Variants in RSPH1 observed in about 807,000 individuals in gnomAD.
The protein encoded by RSPH1 is radial spoke head component 1.
A neutral mutation model predicts 44.2 loss-of-function variants in RSPH1; 32 were observed. That is an observed-to-expected ratio of 0.72 (90% confidence interval 0.55 to 0.97). The LOEUF (loss-of-function observed/expected upper bound fraction) is 0.97, where lower values mean the gene tolerates loss of function less well. Among genes scored for constraint, RSPH1 ranks in the 50% least tolerant of loss-of-function variants. RSPH1 has a pLI of 0.00. For missense variants in RSPH1, 391 were observed against 398.7 expected (o/e 0.98, Z 0.16); for synonymous variants, 134 against 147.3 (o/e 0.91, Z 0.65).
intron 3 of RSPH1, among the ~76,000 whole-genome samples, chr21:42,492,403 A>C (rs1445550091): frequency 6.6e-6 from 1 of 152,220 alleles, no homozygotes; most frequent in Admixed American, 6.5e-5. Context: ...CAGAAATGGA[A>C]AATGCAAAGA....
At chr21:42,479,728 C>CAA (rs2054106441) in intron 6 of RSPH1, among the ~76,000 whole-genome samples, 1 of 120,218 alleles carries the variant, frequency 8.3e-6, no homozygotes, top group African/African-American at 3.2e-5. Flanking sequence ...TAGGAGGTTA[C>CAA]ACACACACAC....
chr21:42,477,090 C>T lies in RSPH1; in HGVS notation c.727+201G>A, dbSNP rs58181767. On this transcript the variant is annotated intron_variant, in intron 7 of 8. Transcript: ENST00000291536. Reference sequence around the variant, plus strand: ...TCCACCCCACAGCCCGGGGATGCCCCACACCCTCTGCCCCCTCCACTCCAC... The same window carrying T: ...TCCACCCCACAGCCCGGGGATGCCCTACACCCTCTGCCCCCTCCACTCCAC... Among the ~76,000 whole-genome samples, 1,189 of 113,634 alleles carry T rather than the reference C, an allele frequency of 0.01. 79 individuals are homozygous for T. The highest frequency in any genetic ancestry group is 0.032 in the African/African-American group (934 of 29,190). 74.5% of individuals were successfully genotyped at this position (113,634 alleles called of 152,430 possible).
chr21:42,482,640 A>G lies in RSPH1; in HGVS notation c.570T>C (p.Asp190=), dbSNP rs758036375. ...CEQHGEYRLT[D]MERGEEEEEE... ...CCCTACATGCTCCGCAACTTACCAT[A>G]TCTGTTAAACGATATTCACCATGTT... Residue 190 remains aspartate, a synonymous_variant, in exon 6 of 9, where the codon GAT becomes GAC. Transcript: ENST00000291536. 4.3e-6 allele frequency: 7 copies of G among 1,609,586 alleles called. No homozygotes were observed. The African/African-American group carries it at 8.0e-5, about 18-fold the overall frequency.
chr21:42,482,759 C>T (rs1244223345), intron 5 of RSPH1, 51 bp from the exon 6 acceptor site: 1 of 1,368,994 alleles, frequency 7.3e-7, no homozygotes, highest in Non-Finnish European at 1.0e-6. Flanking sequence ...GCAGAAAATA[C>T]AAAATACAAA....
At chr21:42,482,589 G>T (rs965565123) in intron 6 of RSPH1, 48 bp downstream of exon 6, 2 of 1,372,006 alleles carry the variant, frequency 1.5e-6, no homozygotes, top group Non-Finnish European at 1.0e-6. Flanking sequence ...TTTTTGAGCA[G>T]CTACTTCCCT....
At position 42,472,752 on chromosome 21, in the gene RSPH1, C is replaced by T. The variant is rs2054004821; in HGVS notation, c.*66G>A. 1 of 1,249,548 alleles carries T rather than the reference C, an allele frequency of 8.0e-7. No homozygotes were observed. The highest frequency in any genetic ancestry group is 1.3e-5 in the South Asian group (1 of 79,634). 77.4% of individuals were successfully genotyped at this position (1,249,548 alleles called of 1,614,324 possible). A position where few individuals can be genotyped will look rare whatever the true frequency, so the allele number is the denominator to read the frequency against. ...TCAAGTAGCTGGAACTAGATACACA[C>T]AGCACTGCACCCGGCTAACGACAGA... On this transcript the variant is annotated 3_prime_UTR_variant, in exon 9 of 9. Transcript: ENST00000291536.
At chr21:42,485,585 T>C (rs2054171086) in intron 5 of RSPH1, 84 bp downstream of exon 5, 1 of 1,512,226 alleles carries the variant, frequency 6.6e-7, no homozygotes, top group Non-Finnish European at 9.1e-7. Flanking sequence ...GAGTTTTTGG[T>C]ATTCTCTGGT....
intron 8 of RSPH1, 71 bp from the exon 9 acceptor site, chr21:42,472,941 A>T: frequency 8.6e-7 from 1 of 1,157,454 alleles, no homozygotes; most frequent in South Asian, 1.4e-5. Context: ...TTTATTCACT[A>T]ACAGATCTTT....
At chr21:42,475,587 T>A (rs7275527) in intron 8 of RSPH1, among the ~76,000 whole-genome samples, 1 of 141,544 alleles carries the variant, frequency 7.1e-6, no homozygotes, top group African/African-American at 2.7e-5. Flanking sequence ...AAAAAAATCA[T>A]GCAACAGAAG....
At position 42,474,172 on chromosome 21, in the gene RSPH1, C is replaced by G. The variant is rs574657614; in HGVS notation, c.878-1302G>C. On this transcript the variant is annotated intron_variant, in intron 8 of 8. Coordinates refer to ENST00000291536, the MANE Select transcript of RSPH1 (RefSeq NM_080860.4). The surrounding 1 kb of genome is among the most constrained non-coding windows in gnomAD (Gnocchi z 5.2). ...AGCCTGATACAGGCAATCCCCACAG[C>G]TCCCAGAGGTCCCGCCTACTGGGCT... Among the ~76,000 whole-genome samples the G allele has an allele frequency of 6.6e-6, 1 of 152,332 alleles. No homozygotes were observed. The highest frequency in any genetic ancestry group is 2.1e-4 in the South Asian group (1 of 4,824).
intron 3 of RSPH1, among the ~76,000 whole-genome samples, chr21:42,492,335 G>C (rs1462065498): frequency 6.6e-6 from 1 of 152,250 alleles, no homozygotes; most frequent in Non-Finnish European, 1.5e-5. Context: ...AGGAAGCCCT[G>C]ATGTAAGGAA....
At chr21:42,484,543 T>A (rs1038810158) in intron 5 of RSPH1, 1 of 152,160 alleles carries the variant, frequency 6.6e-6, no homozygotes, top group African/African-American at 2.4e-5. Context: ...ACAGAAATAG[T>A]GTGGAAGGAT....
intron 8 of RSPH1, 69 bp downstream of exon 8, chr21:42,475,829 A>C: frequency 6.5e-7 from 1 of 1,546,450 alleles, no homozygotes; most frequent in Non-Finnish European, 8.8e-7. Flanking sequence ...GGTGAAGGGA[A>C]GGGGAATCCC....
chr21:42,478,484 G>A (rs943311236), intron 6 of RSPH1, among the ~76,000 whole-genome samples: 15 of 152,206 alleles, frequency 9.9e-5, no homozygotes, highest in East Asian at 1.9e-4. Context: ...CTGGGATAGC[G>A]TCCAATAAGC....
At chr21:42,480,735 G>A (rs140256227) in intron 6 of RSPH1, among the ~76,000 whole-genome samples, 9 of 151,866 alleles carry the variant, frequency 5.9e-5, no homozygotes, top group African/African-American at 2.2e-4. Context: ...AGGATTCAAG[G>A]CCAGGGCCCT....
In RSPH1 at chr21:42,477,351, T is replaced by A. The variant is rs766385741; in HGVS notation, c.667A>T (p.Thr223Ser). Reference sequence around the variant, plus strand: ...GTAGAGGTCGGCTTTTTGGGGAGAGTTGGTGTCCACAGGGCCAATTCAGTG... The same window carrying A: ...GTAGAGGTCGGCTTTTTGGGGAGAGATGGTGTCCACAGGGCCAATTCAGTG... ...QITELALWTP[T>S]LPKKPTSTDG... The change falls in exon 7 of 9, where the codon ACT becomes TCT. Residue 223 changes from threonine (T) to serine (S), a missense_variant. Thr to Ser is a moderately conservative substitution (Grantham distance 58). Coordinates refer to ENST00000291536, the MANE Select transcript of RSPH1 (RefSeq NM_080860.4). 5 of 1,613,906 alleles carry A rather than the reference T, an allele frequency of 3.1e-6. No individual in the cohort carries two copies. In the South Asian group the frequency reaches 5.5e-5, roughly 18 times the overall value.
rs969106549 is a variant in RSPH1 at position 42,487,664 on chromosome 21, T to C, written c.275-1203A>G. The stretch of plus-strand genomic sequence containing the variant: ...TGAAAATTCACTTTTATACCAACTT[T>C]ATATTTTCTTTTTTTTAAAGAGGTT... On this transcript the variant is annotated intron_variant, in intron 3 of 8. Coordinates refer to ENST00000291536, the MANE Select transcript of RSPH1 (RefSeq NM_080860.4). Among the ~76,000 whole-genome samples, 4 of 152,244 alleles carry C rather than the reference T, an allele frequency of 2.6e-5. No individual in the cohort carries two copies. The South Asian group carries it at 8.3e-4, about 31-fold the overall frequency.
At position 42,474,914 on chromosome 21, in the gene RSPH1, A is replaced by C. The variant is rs1241309248; in HGVS notation, c.877+984T>G. Among the ~76,000 whole-genome samples the C allele has an allele frequency of 2.0e-5, 3 of 152,156 alleles. No individual in the cohort carries two copies. Among genetic ancestry groups the C allele is most frequent in the African/African-American group, 7.3e-5 (3 of 41,370 alleles). On this transcript the variant is annotated intron_variant, in intron 8 of 8. Transcript: ENST00000291536. The surrounding 1 kb of genome is among the most constrained non-coding windows in gnomAD (Gnocchi z 5.2). ...AGGTATTATTTTCAAAGGAATGGGA[A>C]GTATATTCTTAATTTACAACAGAGA...
intron 8 of RSPH1, among the ~76,000 whole-genome samples, chr21:42,475,297 C>A (rs560105559): frequency 4.6e-5 from 7 of 152,226 alleles, no homozygotes; most frequent in Non-Finnish European, 1.0e-4. Context: ...GTCAGCCCTG[C>A]TAAAAATCAT....
Sources: allele counts gnomAD v4.1 joint callset (sites outside exome capture counted in the v4.1 genomes callset), GRCh38; gene constraint gnomAD v4.1.1; non-coding constraint Gnocchi (gnomAD v3.1); transcripts MANE v1.5; gene names NCBI Gene and HGNC (gene_info 2026-07-23, HGNC 2026-07-21).